ANKIB1: variants seen among roughly 807,000 people sequenced by gnomAD.
ANKIB1 encodes ankyrin repeat and IBR domain containing 1.
ANKIB1 carries 43 observed loss-of-function variants against 122.1 expected under a neutral mutation model. The ratio of observed to expected loss-of-function variants is 0.35; its 90% CI spans 0.28 to 0.45. The LOEUF is 0.45. Among genes scored for constraint, ANKIB1 ranks in the 20% least tolerant of loss-of-function variants. ANKIB1 has a pLI of 1.00. For missense variants in ANKIB1, 992 were observed against 1,329.5 expected (o/e 0.75, Z 3.95); for synonymous variants, 390 against 442.0 (o/e 0.88, Z 1.48).
At chr7:92,313,364 A>G (rs1309654074) in intron 3 of ANKIB1, among the ~76,000 whole-genome samples, 1 of 152,172 alleles carries the variant, frequency 6.6e-6, no homozygotes, top group Non-Finnish European at 1.5e-5. Context: ...ACTGAAGAAT[A>G]TTACCTAATT....
chr7:92,315,024 A>G (rs1347387432), intron 3 of ANKIB1, among the ~76,000 whole-genome samples: 5 of 152,316 alleles, frequency 3.3e-5, no homozygotes, highest in African/African-American at 1.2e-4. Flanking sequence ...AAGGTTAAAA[A>G]AAAAAAGGAT....
chr7:92,261,894 C>CT (rs1419719515), intron 1 of ANKIB1, among the ~76,000 whole-genome samples: 2 of 152,178 alleles, frequency 1.3e-5, no homozygotes, highest in Non-Finnish European at 2.9e-5. Context: ...TTGAAAGAGT[C>CT]ATTGTAGCAC....
intron 4 of ANKIB1, among the ~76,000 whole-genome samples, chr7:92,327,577 GA>G (rs1204414920): frequency 6.6e-6 from 1 of 151,642 alleles, no homozygotes; most frequent in African/African-American, 2.4e-5. Context: ...GTTATTTAAG[GA>G]ATAATGACAA....
intron 5 of ANKIB1, among the ~76,000 whole-genome samples, chr7:92,342,785 G>T (rs1324122164): frequency 6.6e-6 from 1 of 152,166 alleles, no homozygotes; most frequent in African/African-American, 2.4e-5. Context: ...TGGAAATTTT[G>T]ACCATACTGC....
chr7:92,374,569 A>G (rs978892107), intron 11 of ANKIB1, among the ~76,000 whole-genome samples: 1 of 152,186 alleles, frequency 6.6e-6, no homozygotes, highest in African/African-American at 2.4e-5. Flanking sequence ...GGAAATAAAA[A>G]TGGACTTTCA....
At chr7:92,325,089 A>T (rs1206688042) in intron 4 of ANKIB1, among the ~76,000 whole-genome samples, 1 of 152,200 alleles carries the variant, frequency 6.6e-6, no homozygotes, top group African/African-American at 2.4e-5. Context: ...GAGAACAGAA[A>T]CATTAGCGAG....
At chr7:92,331,244 T>C (rs1803166308) in intron 5 of ANKIB1, among the ~76,000 whole-genome samples, 1 of 151,926 alleles carries the variant, frequency 6.6e-6, no homozygotes, top group African/African-American at 2.4e-5. Flanking sequence ...GACTGGAACA[T>C]TGCCATCTTA....
intron 1 of ANKIB1, among the ~76,000 whole-genome samples, chr7:92,293,493 G>GT (rs1802291867): frequency 6.6e-6 from 1 of 152,056 alleles, no homozygotes. Context: ...CCCTTCACCT[G>GT]TTTTTTAAAG....
chr7:92,362,959 A>G (rs1036274815), intron 10 of ANKIB1, among the ~76,000 whole-genome samples: 2 of 152,114 alleles, frequency 1.3e-5, no homozygotes, highest in African/African-American at 4.8e-5. Flanking sequence ...AGAGAAATCT[A>G]TCTGCTTTGC....
intron 15 of ANKIB1, among the ~76,000 whole-genome samples, chr7:92,390,386 G>T (rs948923589): frequency 6.6e-6 from 1 of 152,084 alleles, no homozygotes; most frequent in African/African-American, 2.4e-5. Flanking sequence ...TAAACTGGTT[G>T]AAGTTTGAAA....
intron 1 of ANKIB1, among the ~76,000 whole-genome samples, chr7:92,271,859 A>G (rs1032857894): frequency 1.3e-5 from 2 of 152,232 alleles, no homozygotes; most frequent in African/African-American, 4.8e-5. Context: ...TGGAGTTCCA[A>G]AAAAGTAGAG....
At chr7:92,320,664 C>T (rs1802888303) in intron 4 of ANKIB1, among the ~76,000 whole-genome samples, 1 of 152,142 alleles carries the variant, frequency 6.6e-6, no homozygotes, top group African/African-American at 2.4e-5. Flanking sequence ...ATTTGTTCTT[C>T]CTAACCTGTA....
chr7:92,271,165 T>C (rs1318987801), intron 1 of ANKIB1, among the ~76,000 whole-genome samples: 3 of 151,438 alleles, frequency 2.0e-5, no homozygotes, highest in Admixed American at 1.3e-4. Flanking sequence ...GTGACGGCAC[T>C]TTTTTTTTCC....
rs1175700932 is a variant in ANKIB1, at chr7:92,316,573, CAA to C, written c.487-2756_487-2755del. Among the ~76,000 whole-genome samples, 3 of 152,178 alleles carry C rather than the reference CAA, an allele frequency of 2.0e-5. No homozygotes were observed. In the South Asian group the frequency reaches 6.2e-4, roughly 32 times the overall value. On this transcript the variant is annotated intron_variant, in intron 3 of 19. Transcript: ENST00000265742. The stretch of plus-strand genomic sequence containing the variant: ...TTTCTCTACAGGTGCCAAATGGCAG[CAA>C]TGAGATACAGGTCTTTATGGTTCCC...
chr7:92,358,395 G>A (rs561500403), intron 9 of ANKIB1, among the ~76,000 whole-genome samples: 3 of 152,288 alleles, frequency 2.0e-5, no homozygotes, highest in African/African-American at 7.2e-5. Context: ...TGGTCCTGCT[G>A]ATTGGGCTCA....
intron 1 of ANKIB1, among the ~76,000 whole-genome samples, chr7:92,265,055 A>G (rs1381165465): frequency 2.6e-5 from 4 of 152,136 alleles, no homozygotes; most frequent in African/African-American, 9.7e-5. Context: ...ATCTCACTAT[A>G]ACGTCAAAAT....
chr7:92,278,492 G>A (rs540232076), intron 1 of ANKIB1, among the ~76,000 whole-genome samples: 82 of 152,216 alleles, frequency 5.4e-4, no homozygotes, highest in Non-Finnish European at 1.0e-3. Flanking sequence ...TGCCTCCCTA[G>A]GTGCCAGGTT....
chr7:92,268,782 A>G (rs996155789), intron 1 of ANKIB1, among the ~76,000 whole-genome samples: 9 of 152,174 alleles, frequency 5.9e-5, no homozygotes, highest in Admixed American at 3.3e-4. Context: ...GGCCTGTCTT[A>G]ATTGGTGTCC....
At chr7:92,295,708 G>A (rs1311809310) in intron 2 of ANKIB1, among the ~76,000 whole-genome samples, 1 of 152,086 alleles carries the variant, frequency 6.6e-6, no homozygotes, top group East Asian at 1.9e-4. Context: ...TTGAAAAGAT[G>A]TTTCTAAAAT....
Sources: allele counts gnomAD v4.1 joint callset (sites outside exome capture counted in the v4.1 genomes callset), GRCh38; gene constraint gnomAD v4.1.1; transcripts MANE v1.5; gene names NCBI Gene and HGNC (gene_info 2026-07-23, HGNC 2026-07-21).